The following CSMD1 variants were observed in gnomAD, a reference collection of about 807,000 sequenced individuals.
CSMD1 encodes CUB and sushi domain-containing protein 1.
A neutral mutation model predicts 417.5 loss-of-function variants in CSMD1; 213 were observed. That is an observed-to-expected ratio of 0.51 (90% CI 0.46 to 0.57). CSMD1 has a LOEUF of 0.57. Among genes scored for constraint, CSMD1 ranks in the 20% least tolerant of loss-of-function variants. The probability of loss-of-function intolerance (pLI) is 0.00; values close to 1 mark genes in which losing one functional copy is unlikely to be tolerated. For missense variants in CSMD1, 6,923 were observed against 4,529.7 expected (o/e 1.53, Z -15.17); for synonymous variants, 2,862 against 1,736.8 (o/e 1.65, Z -16.11).
At chr8:3,238,798 A>G (rs1429308011) in intron 26 of CSMD1, among the ~76,000 whole-genome samples, 3 of 152,156 alleles carry the variant, frequency 2.0e-5, no homozygotes, top group South Asian at 4.1e-4. Flanking sequence ...AGCAAAGATT[A>G]TTTATTTACT....
At chr8:4,058,598 T>C (rs1361386802) in intron 3 of CSMD1, among the ~76,000 whole-genome samples, 3 of 151,258 alleles carry the variant, frequency 2.0e-5, no homozygotes, top group Non-Finnish European at 4.4e-5. Context: ...TGGAGGAAGA[T>C]CTACCAAGCA....
intron 4 of CSMD1, among the ~76,000 whole-genome samples, chr8:4,001,780 C>T (rs1383884380): frequency 6.6e-6 from 1 of 151,772 alleles, no homozygotes. Context: ...CTGACTGCAA[C>T]AGACAAGTGG....
At chr8:3,006,457 A>G (rs1807911210) in intron 52 of CSMD1, among the ~76,000 whole-genome samples, 1 of 152,124 alleles carries the variant, frequency 6.6e-6, no homozygotes, top group Admixed American at 6.5e-5. Flanking sequence ...AAGAGCCCGA[A>G]TCACCAAGTC....
chr8:3,628,169 C>G (rs1465346411), intron 7 of CSMD1, among the ~76,000 whole-genome samples: 1 of 152,140 alleles, frequency 6.6e-6, no homozygotes, highest in Admixed American at 6.6e-5. Context: ...CCTTTGGTTA[C>G]TGAATCTCTA....
chr8:3,965,857 T>G (rs2130025254), intron 5 of CSMD1, among the ~76,000 whole-genome samples: 1 of 152,292 alleles, frequency 6.6e-6, no homozygotes, highest in African/African-American at 2.4e-5. Flanking sequence ...GACCTCATAC[T>G]GTGCCAGCCT....
Position 2,997,181 on chromosome 8 carries a change from T to C in CSMD1, c.8377+830A>G, listed in dbSNP as rs183093770. Among the ~76,000 whole-genome samples the C allele has an allele frequency of 1.6e-3, 242 of 152,354 alleles. 1 individual carries two copies. Among genetic ancestry groups the C allele is most frequent in the African/African-American group, 5.6e-3 (232 of 41,580 alleles). ...CTGATCCTGACAGTGACTAGTATTT[T>C]AGGGGGAAACAGAGGTAGGAGTCTT... On this transcript the variant is annotated intron_variant, in intron 54 of 69. Transcript: ENST00000635120.
rs748697378 is a variant in CSMD1 at position 4,681,738 on chromosome 8, T to G, written c.86-44180A>C. On this transcript the variant is annotated intron_variant, in intron 1 of 69. Transcript: ENST00000635120. The stretch of plus-strand genomic sequence containing the variant: ...TTAACAAAAAAGAAGCCTAGACCTA[T>G]TGTGAAAAATTAGCATCCTCTGAAA... 2.6e-5 allele frequency among the ~76,000 whole-genome samples: 4 copies of G among 152,236 alleles called. No homozygotes were observed. The East Asian group carries it at 7.7e-4, about 29-fold the overall frequency.
chr8:3,335,591 C>T (rs781153360), intron 23 of CSMD1, among the ~76,000 whole-genome samples: 31 of 152,260 alleles, frequency 2.0e-4, no homozygotes, highest in Non-Finnish European at 3.8e-4. Flanking sequence ...TCAGGAGAAT[C>T]GCTTGAACCT....
At chr8:3,060,811 G>T (rs1812544701) in intron 49 of CSMD1, among the ~76,000 whole-genome samples, 1 of 152,150 alleles carries the variant, frequency 6.6e-6, no homozygotes, top group African/African-American at 2.4e-5. Flanking sequence ...AATGGGATTA[G>T]GTGTCCCTAT....
chr8:3,802,616 A>G (rs745409369), intron 5 of CSMD1, among the ~76,000 whole-genome samples: 3 of 152,158 alleles, frequency 2.0e-5, no homozygotes, highest in Non-Finnish European at 4.4e-5. Context: ...CTGTTTATAT[A>G]ATTTTAAGCC....
chr8:4,269,832 A>T (rs1001721384), intron 3 of CSMD1, among the ~76,000 whole-genome samples: 5 of 152,192 alleles, frequency 3.3e-5, no homozygotes, highest in Admixed American at 3.3e-4. Flanking sequence ...AAGTAGTGCC[A>T]ATCTATCCTT....
chr8:3,558,238 T>A (rs1191585517), intron 10 of CSMD1, among the ~76,000 whole-genome samples: 1 of 140,956 alleles, frequency 7.1e-6, no homozygotes, highest in Admixed American at 7.0e-5. Context: ...CAATGACAAA[T>A]AGTGCCTCAA....
intron 2 of CSMD1, among the ~76,000 whole-genome samples, chr8:4,609,756 G>A (rs747788793): frequency 6.6e-6 from 1 of 152,138 alleles, no homozygotes; most frequent in Non-Finnish European, 1.5e-5. Flanking sequence ...AAGAAGCAGG[G>A]ATGAAGTACT....
In CSMD1 at chr8:3,219,278, G is replaced by A. The variant is rs752954330; in HGVS notation, c.4649C>T (p.Ser1550Leu). 3.8e-6 allele frequency: 6 copies of A among 1,594,802 alleles called. No homozygotes were observed. The highest frequency in any genetic ancestry group is 5.1e-6 in the Non-Finnish European group (6 of 1,169,768). The change falls in exon 29 of 70, where the codon TCA (serine) becomes TTA (leucine). Residue 1550 changes from serine (S) to leucine (L), a missense_variant. By Grantham distance (145) the Ser-to-Leu change is moderately radical (BLOSUM62 -2). Transcript: ENST00000635120. ...ACCTTTAAATTCAATGGCGAACCCT[G>A]AAAGGCCCACGGAGGCATCACTCCG... ...AFRSDASVGL[S>L]GFAIEFKEKP...
intron 54 of CSMD1, among the ~76,000 whole-genome samples, chr8:2,981,494 T>G (rs1462161332): frequency 1.3e-5 from 2 of 152,182 alleles, no homozygotes; most frequent in East Asian, 1.9e-4. Flanking sequence ...AGAGGCTCAC[T>G]CTAGACGGCT....
chr8:3,239,376 TTA>T (rs35377776), intron 26 of CSMD1, among the ~76,000 whole-genome samples: 30,201 of 151,886 alleles, frequency 0.2, 3,271 homozygotes, highest in South Asian at 0.29. Flanking sequence ...AACTGAAGAA[TTA>T]TGTCTGACAG....
rs935614364 is a variant in CSMD1, at chr8:3,406,285, A to G, written c.2072-64T>C. ...TTGAGTATTAATTACATGTATTAAA[A>G]AAGAAGAAAACAGAACAAGCTTATA... On this transcript the variant is annotated intron_variant, in intron 14 of 69. Transcript: ENST00000635120. 59 of 1,343,582 alleles carry G rather than the reference A, an allele frequency of 4.4e-5. No individual in the cohort carries two copies. In the Middle Eastern group the frequency reaches 7.4e-4, roughly 17 times the overall value. The allele number at this position is 1,343,582 out of a possible 1,614,324, so 83.2% of individuals were successfully genotyped here. A position where few individuals can be genotyped will look rare whatever the true frequency, so the allele number is the denominator to read the frequency against.
intron 2 of CSMD1, among the ~76,000 whole-genome samples, chr8:4,590,028 A>C (rs150060493): frequency 1.1e-3 from 160 of 152,322 alleles, no homozygotes; most frequent in Non-Finnish European, 1.9e-3. Context: ...ATGCTTGTCT[A>C]TGCTTTTTAA....
At chr8:3,526,499 C>T (rs1274273388) in intron 10 of CSMD1, among the ~76,000 whole-genome samples, 3 of 152,148 alleles carry the variant, frequency 2.0e-5, no homozygotes, top group Non-Finnish European at 4.4e-5. Context: ...CTGGACCAAG[C>T]ATCCTACATA....
Sources: allele counts gnomAD v4.1 joint callset (sites outside exome capture counted in the v4.1 genomes callset), GRCh38; gene constraint gnomAD v4.1.1; transcripts MANE v1.5; gene names NCBI Gene and HGNC (gene_info 2026-07-23, HGNC 2026-07-21).